The following ZNF264 variants were observed in gnomAD, a reference collection of about 807,000 sequenced individuals.
ZNF264 encodes zinc finger protein 264.
In ZNF264, 11 loss-of-function variants were observed where a neutral mutation model predicts 11.2. That is an observed-to-expected ratio of 0.98 (90% CI 0.62 to 1.63). The LOEUF (loss-of-function observed/expected upper bound fraction) is 1.63, where lower values mean the gene tolerates loss of function less well. Among genes scored for constraint, ZNF264 ranks in the 40% most tolerant of loss-of-function variants. The pLI is 0.00. For missense variants in ZNF264, 752 were observed against 768.1 expected, an observed-to-expected ratio of 0.98 and a Z score of 0.25; for synonymous variants, 309 against 279.8, an observed-to-expected ratio of 1.10 and a Z score of -1.04.
Position 57,211,935 on chromosome 19 carries a change from A to G in ZNF264, c.838A>G (p.Ile280Val). Residue 280 changes from isoleucine to valine, a missense_variant, in exon 4 of 4, where the codon ATT becomes GTT. Ile to Val is a conservative substitution (Grantham distance 29). Coordinates refer to ENST00000263095, the MANE Select transcript of ZNF264 (RefSeq NM_003417.5). ...GTCATACCTTACCCAGCACCAGCGGATTCACAGTGGAGAGAAGCCTTACAA... is the reference window on the plus strand; with the variant it reads ...GTCATACCTTACCCAGCACCAGCGGGTTCACAGTGGAGAGAAGCCTTACAA... ...RKSYLTQHQR[I>V]HSGEKPYKCN... 1 of 1,614,062 alleles carries G rather than the reference A, an allele frequency of 6.2e-7. No individual in the cohort carries two copies. The highest frequency in any genetic ancestry group is 8.5e-7 in the Non-Finnish European group (1 of 1,180,006).
chr19:57,196,416 A>G (rs751403800), intron 2 of ZNF264, among the ~76,000 whole-genome samples: 1 of 151,836 alleles, frequency 6.6e-6, no homozygotes, highest in Non-Finnish European at 1.5e-5. Flanking sequence ...AATATAATCA[A>G]CCTGCCGCCA....
chr19:57,220,917 T>G lies in ZNF264; in HGVS notation c.*7936T>G, dbSNP rs995859539. ...CCTCGGCCTCCCGAAGTGCTGGCAT[T>G]ACAGGCATGAGCCACCACACCCAGC... On this transcript the variant is annotated 3_prime_UTR_variant, in exon 4 of 4. Transcript: ENST00000263095. 1.3e-5 allele frequency: 2 copies of G among 152,286 alleles called. No individual in the cohort carries two copies. The highest frequency in any genetic ancestry group is 4.8e-5 in the African/African-American group (2 of 41,416). 9.4% of individuals were successfully genotyped at this position (152,286 alleles called of 1,614,324 possible).
At position 57,217,238 on chromosome 19, in the gene ZNF264, A is replaced by AT. The variant is rs913664228; in HGVS notation, c.*4263dup. ...TCAGGGACTGTCTGTATATATCTGC[A>AT]TTTTTTAGTGATTGTTCTACTATTA... On this transcript the variant is annotated 3_prime_UTR_variant, in exon 4 of 4. Coordinates refer to ENST00000263095, the MANE Select transcript of ZNF264 (RefSeq NM_003417.5). The AT allele has an allele frequency of 2.6e-5, 4 of 152,306 alleles. No individual in the cohort carries two copies. The highest frequency in any genetic ancestry group is 3.4e-3 in the Middle Eastern group (1 of 294). 9.4% of individuals were successfully genotyped at this position (152,306 alleles called of 1,614,324 possible). A position where few individuals can be genotyped will look rare whatever the true frequency, so the allele number is the denominator to read the frequency against.
rs2087224791 is a variant in ZNF264 at position 57,198,007 on chromosome 19, C to G, written c.160+4006C>G. Among the ~76,000 whole-genome samples the G allele has an allele frequency of 1.3e-5, 2 of 152,018 alleles. 1 individual carries two copies. The highest frequency in any genetic ancestry group is 4.8e-5 in the African/African-American group (2 of 41,244). On this transcript the variant is annotated intron_variant, in intron 2 of 3. Coordinates refer to ENST00000263095, the MANE Select transcript of ZNF264 (RefSeq NM_003417.5). ...TGTGGAAGCAAAAAGCGATCAAGGT[C>G]TCTCTGAATAAGATTACGACACAAA... is the stretch of plus-strand genomic sequence containing the variant.
chr19:57,196,618 C>T (rs756907744), intron 2 of ZNF264, among the ~76,000 whole-genome samples: 33 of 152,028 alleles, frequency 2.2e-4, no homozygotes, highest in Admixed American at 8.5e-4. Context: ...GCCCATTGCA[C>T]GATGACAGGG....
rs369165897 is a variant in ZNF264 at position 57,213,957 on chromosome 19, CTTTT to C, written c.*979_*982del. 13 of 151,960 alleles carry C rather than the reference CTTTT, an allele frequency of 8.6e-5. No homozygotes were observed. In the East Asian group the frequency reaches 2.5e-3, roughly 29 times the overall value. 9.4% of individuals were successfully genotyped at this position (151,960 alleles called of 1,614,324 possible). A position where few individuals can be genotyped will look rare whatever the true frequency, so the allele number is the denominator to read the frequency against. ...TTGTTAGAATTTGCATCCTAGGGTG[CTTTT>C]TTGTTTGTGTGTGTGTGTAATTTGA... is the stretch of plus-strand genomic sequence containing the variant. On this transcript the variant is annotated 3_prime_UTR_variant, in exon 4 of 4. Coordinates refer to ENST00000263095, the MANE Select transcript of ZNF264 (RefSeq NM_003417.5).
Position 57,213,051 on chromosome 19 carries a change from C to T in ZNF264, c.*70C>T. ...TATTAGAAATTCGTTCAGTCTAGAGCCTTATTCTCCATCTGATAATTTATC... is the reference window on the plus strand; with the variant it reads ...TATTAGAAATTCGTTCAGTCTAGAGTCTTATTCTCCATCTGATAATTTATC... On this transcript the variant is annotated 3_prime_UTR_variant, in exon 4 of 4. Transcript: ENST00000263095. 7.0e-6 allele frequency: 10 copies of T among 1,432,002 alleles called. No homozygotes were observed. Among genetic ancestry groups the T allele is most frequent in the East Asian group, 2.3e-5 (1 of 43,568 alleles). 88.7% of individuals were successfully genotyped at this position (1,432,002 alleles called of 1,614,324 possible).
At chr19:57,201,142 T>G (rs1213386578) in intron 2 of ZNF264, among the ~76,000 whole-genome samples, 2 of 151,988 alleles carry the variant, frequency 1.3e-5, no homozygotes, top group East Asian at 3.8e-4. Context: ...GTATTGTGTT[T>G]GCTAGGCCTG....
chr19:57,205,894 G>A (rs577538819), intron 3 of ZNF264, among the ~76,000 whole-genome samples: 21 of 152,292 alleles, frequency 1.4e-4, no homozygotes, highest in African/African-American at 5.1e-4. Context: ...AATCTCAGTG[G>A]TTCACATATG....
chr19:57,211,013 T>C lies in ZNF264; in HGVS notation c.257-341T>C, dbSNP rs191417534. ...TAGGTGCTCCTTCCTCGTGTTCTTG[T>C]AGCAACACAGCATGTCCTTGCTTAG... is the stretch of plus-strand genomic sequence containing the variant. On this transcript the variant is annotated intron_variant, in intron 3 of 3. Transcript: ENST00000263095. 3.7e-4 allele frequency among the ~76,000 whole-genome samples: 56 copies of C among 152,352 alleles called. No individual in the cohort carries two copies. In the East Asian group the frequency reaches 9.1e-3, roughly 25 times the overall value.
At chr19:57,205,244 T>TG (rs2087283102) in intron 2 of ZNF264, among the ~76,000 whole-genome samples, 153 bp from the exon 3 acceptor site, 1 of 152,188 alleles carries the variant, frequency 6.6e-6, no homozygotes, top group Non-Finnish European at 1.5e-5. Context: ...ATGGAAACCT[T>TG]GGTTTCCAGG....
Position 57,219,355 on chromosome 19 carries a change from CTG to C in ZNF264, c.*6376_*6377del, listed in dbSNP as rs1156261676. The C allele has an allele frequency of 6.6e-6, 1 of 152,182 alleles. No homozygotes were observed. The highest frequency in any genetic ancestry group is 1.5e-5 in the Non-Finnish European group (1 of 68,050). The allele number at this position is 152,182 out of a possible 1,614,324, so 9.4% of individuals were successfully genotyped here. The stretch of plus-strand genomic sequence containing the variant: ...GATAACCAGATTTTTCCCCCATAAT[CTG>C]TATCTGTATTCAAGTCTCTATCCTC... On this transcript the variant is annotated 3_prime_UTR_variant, in exon 4 of 4. Coordinates refer to ENST00000263095, the MANE Select transcript of ZNF264 (RefSeq NM_003417.5).
chr19:57,198,747 A>G (rs1353630890), intron 2 of ZNF264, among the ~76,000 whole-genome samples: 2 of 151,852 alleles, frequency 1.3e-5, no homozygotes, highest in African/African-American at 4.9e-5. Flanking sequence ...ATGTCTGATC[A>G]TTTCCCTTTC....
At chr19:57,210,737 C>G (rs757734868) in intron 3 of ZNF264, among the ~76,000 whole-genome samples, 1 of 152,170 alleles carries the variant, frequency 6.6e-6, no homozygotes, top group Non-Finnish European at 1.5e-5. Context: ...CTTCTAATCA[C>G]GTGGTTTAGC....
intron 2 of ZNF264, among the ~76,000 whole-genome samples, chr19:57,197,329 G>C (rs1396553699): frequency 6.6e-6 from 1 of 151,878 alleles, no homozygotes; most frequent in Non-Finnish European, 1.5e-5. Context: ...TTCATGGTAG[G>C]CAGTTCAGGT....
rs397859356 is a variant in ZNF264, at chr19:57,217,784, CTTTTTTTTTT to C, written c.*4816_*4825del. The C allele has an allele frequency of 1.8e-5, 2 of 108,490 alleles. No individual in the cohort carries two copies. Among genetic ancestry groups the C allele is most frequent in the African/African-American group, 7.2e-5 (2 of 27,682 alleles). 6.7% of individuals were successfully genotyped at this position (108,490 alleles called of 1,614,324 possible). The stretch of plus-strand genomic sequence containing the variant: ...GTCATGAGAAACATTGTCTCTTGAC[CTTTTTTTTTT>C]TTTTTTTTTTTTAAAGAGACAGAGT... On this transcript the variant is annotated 3_prime_UTR_variant, in exon 4 of 4. Coordinates refer to ENST00000263095, the MANE Select transcript of ZNF264 (RefSeq NM_003417.5).
chr19:57,210,689 C>A (rs530426028), intron 3 of ZNF264, among the ~76,000 whole-genome samples: 1 of 152,296 alleles, frequency 6.6e-6, no homozygotes, highest in Admixed American at 6.5e-5. Flanking sequence ...CCATCCTTTC[C>A]AGAGATTCAG....
intron 3 of ZNF264, 59 bp from the exon 4 acceptor site, chr19:57,211,295 T>C (rs913754721): frequency 1.6e-5 from 23 of 1,438,328 alleles, no homozygotes; most frequent in African/African-American, 2.9e-5. Context: ...AATGGTAATA[T>C]TCTTTTTTCC....
chr19:57,200,107 T>C (rs1303869531), intron 2 of ZNF264, among the ~76,000 whole-genome samples: 5 of 151,770 alleles, frequency 3.3e-5, no homozygotes, highest in Middle Eastern at 3.2e-3. Flanking sequence ...GTGAGTCTTA[T>C]CTCCTGTAGA....
Sources: allele counts gnomAD v4.1 joint callset (sites outside exome capture counted in the v4.1 genomes callset), GRCh38; gene constraint gnomAD v4.1.1; transcripts MANE v1.5; gene names NCBI Gene and HGNC (gene_info 2026-07-23, HGNC 2026-07-21).